Variants in HPS4 observed in about 807,000 individuals in gnomAD.
HPS4 encodes HPS4 biogenesis of lysosomal organelles complex 3 subunit 2, also known as BLOC-3 complex member HPS4.
HPS4 carries 44 observed loss-of-function variants against 70.3 expected under a neutral mutation model. The observed-to-expected ratio is 0.63, with a 90% CI of 0.49 to 0.80. The LOEUF (loss-of-function observed/expected upper bound fraction) is 0.80, where lower values mean the gene tolerates loss of function less well. Ranked by LOEUF, HPS4 falls within the 30% of genes least tolerant of loss-of-function variation. The pLI is 0.00. For synonymous variants in HPS4, 377 were observed against 355.9 expected, an observed-to-expected ratio of 1.06 and a Z score of -0.67; for missense variants, 873 against 884.4, an observed-to-expected ratio of 0.99 and a Z score of 0.16.
In HPS4 at chr22:26,471,477, C is replaced by T. The variant is rs947366553; in HGVS notation, c.502-664G>A. 4.9e-5 allele frequency: 22 copies of T among 447,348 alleles called. 1 individual carries two copies. Among genetic ancestry groups the T allele is most frequent in the South Asian group, 2.2e-4 (14 of 63,338 alleles). The allele number at this position is 447,348 out of a possible 1,614,324, so 27.7% of individuals were successfully genotyped here. On this transcript the variant is annotated intron_variant, in intron 6 of 13. Transcript: ENST00000398145. ...TCAGACTTCCACCTGCCAGCTAGAA[C>T]CAGCAAGTATCCACCAGCTGTTAGA...
downstream of HPS4, among the ~76,000 whole-genome samples, chr22:26,446,871 G>T (rs1322632777): frequency 6.6e-6 from 1 of 152,190 alleles, no homozygotes; most frequent in Non-Finnish European, 1.5e-5. Context: ...GGACTTACAG[G>T]TGCCCGCTTC....
At chr22:26,459,449 G>A (rs2086821880) in intron 11 of HPS4, among the ~76,000 whole-genome samples, 1 of 152,172 alleles carries the variant, frequency 6.6e-6, no homozygotes, top group East Asian at 1.9e-4. Context: ...TAACAACACA[G>A]CATGAACTGC....
intron 10 of HPS4, 48 bp from the exon 11 acceptor site, chr22:26,464,874 G>A (rs1329692871): frequency 6.6e-6 from 10 of 1,521,242 alleles, no homozygotes. Flanking sequence ...ACAGACTGCA[G>A]GGCAAGTGCC....
At chr22:26,468,262 T>C (rs1366349225) in intron 8 of HPS4, 3 of 456,050 alleles carry the variant, frequency 6.6e-6, no homozygotes, top group Non-Finnish European at 1.2e-5. Flanking sequence ...CTAACATCTC[T>C]TTGACATAAA....
chr22:26,481,728 G>A lies in HPS4; in HGVS notation c.35C>T (p.Ala12Val). The change falls in exon 2 of 14, where the codon GCC (alanine) becomes GTC (valine). Residue 12 changes from alanine to valine, a missense_variant. Ala to Val is a moderately conservative substitution (Grantham distance 64). Transcript: ENST00000398145. ...GGCAGGCCTTGTTACTCACCACGAGGCTGACTTTGCCTCTGTGGAGGTAGA... is the reference window on the plus strand; with the variant it reads ...GGCAGGCCTTGTTACTCACCACGAGACTGACTTTGCCTCTGTGGAGGTAGA... ...ATSTSTEAKS[A>V]SWWNYFFLYD... 6.2e-7 allele frequency: 1 copy of A among 1,614,080 alleles called. No homozygotes were observed. The highest frequency in any genetic ancestry group is 8.5e-7 in the Non-Finnish European group (1 of 1,179,918).
chr22:26,462,254 C>T (rs2087448003), intron 11 of HPS4, among the ~76,000 whole-genome samples: 1 of 152,182 alleles, frequency 6.6e-6, no homozygotes, highest in Non-Finnish European at 1.5e-5. Flanking sequence ...GATGTCGTAA[C>T]AGCATGGATA....
downstream of HPS4, among the ~76,000 whole-genome samples, chr22:26,450,358 GA>G (rs2085104749): frequency 2.0e-5 from 3 of 152,334 alleles, no homozygotes; most frequent in African/African-American, 7.2e-5. Flanking sequence ...GGCGGCATGG[GA>G]AGTACATCTT....
intron 7 of HPS4, among the ~76,000 whole-genome samples, chr22:26,469,603 A>G (rs964339812): frequency 2.6e-5 from 4 of 151,480 alleles, no homozygotes; most frequent in African/African-American, 9.7e-5. Flanking sequence ...TATGTCTATA[A>G]TCCAAGCAGT....
chr22:26,469,576 G>A (rs2089418610), intron 7 of HPS4, among the ~76,000 whole-genome samples: 1 of 151,788 alleles, frequency 6.6e-6, no homozygotes, highest in African/African-American at 2.4e-5. Context: ...TGTAAATACA[G>A]GCTGGGTGCA....
In HPS4 at chr22:26,464,127, G is replaced by A. The variant is rs534067573; in HGVS notation, c.1503C>T (p.His501=). ...DEDVDGVCES[H]AAPGLECSSG... is the part of the protein sequence containing the mutation. ...AACTGCATTCCAGACCAGGGGCTGC[G>A]TGGCTTTCACAGACCCCATCAACAT... is the stretch of plus-strand genomic sequence containing the variant. The change falls in exon 11 of 14, where the codon CAC becomes CAT. Residue 501 remains histidine, a synonymous_variant. Transcript: ENST00000398145. 1.1e-5 allele frequency: 18 copies of A among 1,614,272 alleles called. No homozygotes were observed. The Middle Eastern group carries it at 4.9e-4, about 44-fold the overall frequency.
rs757412572 is a variant in HPS4 at position 26,453,327 on chromosome 22, C to T, written c.2033G>A (p.Arg678Gln). 26 of 1,614,158 alleles carry T rather than the reference C, an allele frequency of 1.6e-5. No individual in the cohort carries two copies. The highest frequency in any genetic ancestry group is 1.9e-5 in the Non-Finnish European group (23 of 1,180,036). ...CTGAGGGTTTGGGAAGCCGGAGCTC[C>T]GTGCTGCAGGTGCCAGCTGCTGGAA... ...TYFQQLAPAARSSGFPNPQDG... is the reference protein window; with the variant it reads ...TYFQQLAPAAQSSGFPNPQDG... The change falls in exon 14 of 14, where the codon CGG becomes CAG. Residue 678 changes from arginine (R) to glutamine (Q), a missense_variant. By Grantham distance (43) the Arg-to-Gln change is conservative (BLOSUM62 1). Transcript: ENST00000398145.
At chr22:26,479,400 A>G in intron 2 of HPS4, 45 bp from the exon 3 acceptor site, 1 of 1,606,340 alleles carries the variant, frequency 6.2e-7, no homozygotes, top group South Asian at 1.1e-5. Flanking sequence ...TAATCCAGTG[A>G]TCACGGCATT....
chr22:26,483,155 T>C (rs1209103092), intron 1 of HPS4, among the ~76,000 whole-genome samples: 2 of 152,216 alleles, frequency 1.3e-5, no homozygotes, highest in African/African-American at 4.8e-5. Flanking sequence ...ACACTCATTG[T>C]ATTCTATGGA....
intron 12 of HPS4, 53 bp from the exon 13 acceptor site, chr22:26,458,020 C>G (rs1215472521): frequency 5.8e-6 from 8 of 1,369,876 alleles, no homozygotes; most frequent in African/African-American, 2.8e-5. Flanking sequence ...CTTCTGCCCT[C>G]CCACCCCATG....
At chr22:26,476,042 C>CAATAA (rs1466400408) in intron 4 of HPS4, 1 of 151,294 alleles carries the variant, frequency 6.6e-6, no homozygotes, top group Non-Finnish European at 1.5e-5. Context: ...GACCCTGTCT[C>CAATAA]AATAAAATAA....
chr22:26,468,840 C>T (rs560357268), intron 7 of HPS4, among the ~76,000 whole-genome samples: 29 of 152,042 alleles, frequency 1.9e-4, no homozygotes, highest in African/African-American at 6.5e-4. Context: ...AAGATGTATG[C>T]GTAAGAATAT....
rs119471025 is a variant in HPS4, at chr22:26,468,556, C to T, written c.664G>A (p.Glu222Lys). ...KVLLHRTAPQ[E>K]QRLPTGEDAP... The stretch of plus-strand genomic sequence containing the variant: ...GTGGGTGGACTTTACAATACCTGCT[C>T]CTGAGGTGCTGTTCGGTGAAGCAGG... Residue 222 changes from glutamate to lysine, a missense_variant, in exon 8 of 14, where the codon GAG becomes AAG. Glu to Lys is a moderately conservative substitution (Grantham distance 56). Coordinates refer to ENST00000398145, the MANE Select transcript of HPS4 (RefSeq NM_022081.6). The T allele has an allele frequency of 2.5e-6, 4 of 1,613,790 alleles. No homozygotes were observed. The highest frequency in any genetic ancestry group is 3.4e-6 in the Non-Finnish European group (4 of 1,179,910).
chr22:26,447,505 C>T (rs2084993483), downstream of HPS4, among the ~76,000 whole-genome samples: 1 of 152,206 alleles, frequency 6.6e-6, no homozygotes, highest in African/African-American at 2.4e-5. Flanking sequence ...TGGTAAGATG[C>T]TATTATGTCG....
chr22:26,479,077 G>A (rs1354750321), intron 3 of HPS4, among the ~76,000 whole-genome samples, 188 bp downstream of exon 3: 1 of 152,240 alleles, frequency 6.6e-6, no homozygotes, highest in Non-Finnish European at 1.5e-5. Flanking sequence ...TAAAGACGAT[G>A]AAAGTGCCGA....
Sources: gnomAD v4.1 joint callset for allele counts (sites outside exome capture counted in the v4.1 genomes callset) on GRCh38, gnomAD v4.1.1 for gene constraint, MANE v1.5 for transcripts, NCBI Gene and HGNC (gene_info 2026-07-23, HGNC 2026-07-21) for gene names.